The following MAN2A1 variants were observed in gnomAD, a reference collection of about 807,000 sequenced individuals.
MAN2A1 encodes alpha-mannosidase 2.
MAN2A1 carries 76 observed loss-of-function variants against 142.6 expected under a neutral mutation model. The ratio of observed to expected loss-of-function variants is 0.53; its 90% CI spans 0.44 to 0.65. The LOEUF (loss-of-function observed/expected upper bound fraction) is 0.65. Among genes scored for constraint, MAN2A1 ranks in the 30% least tolerant of loss-of-function variants. The probability of loss-of-function intolerance (pLI) is 0.00; values close to 1 mark genes in which losing one functional copy is unlikely to be tolerated. For missense variants in MAN2A1, 1,311 were observed against 1,365.1 expected (o/e 0.96, Z 0.62); for synonymous variants, 559 against 473.2 (o/e 1.18, Z -2.35).
At chr5:109,725,647 G>A (rs1751723968) in intron 3 of MAN2A1, among the ~76,000 whole-genome samples, 1 of 152,262 alleles carries the variant, frequency 6.6e-6, no homozygotes, top group South Asian at 2.1e-4. Flanking sequence ...GGTCCTTCTA[G>A]AGTCCAGGGC....
chr5:109,751,840 C>T (rs926188721), intron 4 of MAN2A1, among the ~76,000 whole-genome samples: 1 of 151,862 alleles, frequency 6.6e-6, no homozygotes, highest in Non-Finnish European at 1.5e-5. Flanking sequence ...TGATCTTTGA[C>T]TCTCCTTTTG....
intron 1 of MAN2A1, 99 bp downstream of exon 1, chr5:109,690,651 A>T (rs1390563639): frequency 1.5e-6 from 2 of 1,364,362 alleles, no homozygotes; most frequent in Non-Finnish European, 2.0e-6. Flanking sequence ...CCGCGGCCCC[A>T]CACCCGTGCT....
chr5:109,849,588 T>C (rs530616950), intron 19 of MAN2A1, among the ~76,000 whole-genome samples: 67 of 152,212 alleles, frequency 4.4e-4, no homozygotes, highest in Non-Finnish European at 5.6e-4. Flanking sequence ...TAATCTTCTT[T>C]ACTTCCACCA....
intron 12 of MAN2A1, chr5:109,804,261 C>T (rs1264964817): frequency 3.0e-6 from 3 of 987,348 alleles, no homozygotes; most frequent in African/African-American, 1.7e-5. Flanking sequence ...GACTTCAGAA[C>T]ACCTCACAAC....
intron 19 of MAN2A1, among the ~76,000 whole-genome samples, chr5:109,852,725 G>A (rs935219576): frequency 6.6e-6 from 1 of 152,172 alleles, no homozygotes; most frequent in Non-Finnish European, 1.5e-5. Flanking sequence ...TAAGTACAAG[G>A]CTGGGGTATT....
chr5:109,726,147 C>G (rs1751738839), intron 3 of MAN2A1, among the ~76,000 whole-genome samples: 1 of 152,126 alleles, frequency 6.6e-6, no homozygotes, highest in Admixed American at 6.5e-5. Flanking sequence ...TGTGAATTGA[C>G]CACTTAAGTA....
At chr5:109,777,074 T>TTGG (rs1753313287) in intron 8 of MAN2A1, among the ~76,000 whole-genome samples, 1 of 152,136 alleles carries the variant, frequency 6.6e-6, no homozygotes, top group Non-Finnish European at 1.5e-5. Flanking sequence ...TGTCCATGTT[T>TTGG]TGGTTACTTG....
chr5:109,733,202 T>C lies in MAN2A1; in HGVS notation c.707+3689T>C, dbSNP rs367868926. On this transcript the variant is annotated intron_variant, in intron 4 of 21. Transcript: ENST00000261483. Reference sequence around the variant, plus strand: ...TGTATAAGAATGCTTGTGATTTTTGTACGTTGATTTTGTATCCTGAGACTT... The same window carrying C: ...TGTATAAGAATGCTTGTGATTTTTGCACGTTGATTTTGTATCCTGAGACTT... 1.4e-4 allele frequency among the ~76,000 whole-genome samples: 22 copies of C among 152,284 alleles called. No individual in the cohort carries two copies. In the East Asian group the frequency reaches 4.1e-3, roughly 28 times the overall value.
chr5:109,769,901 G>T (rs937123502), intron 6 of MAN2A1, among the ~76,000 whole-genome samples: 3 of 152,010 alleles, frequency 2.0e-5, no homozygotes, highest in Admixed American at 6.6e-5. Flanking sequence ...CACTTCCTTT[G>T]TTCTTCCATC....
chr5:109,692,421 G>T (rs1005357696), intron 1 of MAN2A1, among the ~76,000 whole-genome samples: 52 of 152,248 alleles, frequency 3.4e-4, no homozygotes, highest in African/African-American at 1.2e-3. Flanking sequence ...TAAGTGCTTG[G>T]ACGGCCACTG....
At chr5:109,864,369 A>G (rs965138930) in intron 20 of MAN2A1, 3 of 152,214 alleles carry the variant, frequency 2.0e-5, no homozygotes, top group African/African-American at 7.2e-5. Flanking sequence ...GAAAAGGTAT[A>G]CTGACCCTCT....
At position 109,867,288 on chromosome 5, in the gene MAN2A1, C is replaced by G. The variant is rs1459501378; in HGVS notation, c.*290C>G. 1 of 203,280 alleles carries G rather than the reference C, an allele frequency of 4.9e-6. No homozygotes were observed. Among genetic ancestry groups the G allele is most frequent in the South Asian group, 1.7e-4 (1 of 5,758 alleles). The allele number at this position is 203,280 out of a possible 1,614,324, so 12.6% of individuals were successfully genotyped here. A position where few individuals can be genotyped will look rare whatever the true frequency, so the allele number is the denominator to read the frequency against. On this transcript the variant is annotated 3_prime_UTR_variant, in exon 22 of 22. Transcript: ENST00000261483. ...GAAATATTTAAAGACAGCCTCTCAA[C>G]AGATTGTATCTCAGGTTAAATGCTA... is the stretch of plus-strand genomic sequence containing the variant.
At chr5:109,693,651 T>C (rs1017738923) in intron 1 of MAN2A1, among the ~76,000 whole-genome samples, 3 of 152,108 alleles carry the variant, frequency 2.0e-5, no homozygotes, top group Admixed American at 1.3e-4. Context: ...ACCATTTGGC[T>C]GGACTCTGGG....
intron 1 of MAN2A1, among the ~76,000 whole-genome samples, chr5:109,709,425 G>T (rs1201470346): frequency 6.6e-6 from 1 of 152,138 alleles, no homozygotes; most frequent in African/African-American, 2.4e-5. Flanking sequence ...ATTGTTGCTC[G>T]GCAGAGGGTT....
intron 4 of MAN2A1, among the ~76,000 whole-genome samples, chr5:109,734,402 C>G (rs1752021348): frequency 6.6e-6 from 1 of 150,562 alleles, no homozygotes. Context: ...TTATTTCTTG[C>G]CTTCTGCTAG....
intron 16 of MAN2A1, among the ~76,000 whole-genome samples, chr5:109,835,047 ATTG>A (rs776914706): frequency 1.3e-5 from 2 of 152,116 alleles, no homozygotes; most frequent in East Asian, 3.8e-4. Flanking sequence ...TCAGTTTGTC[ATTG>A]TTGTGAGAAT....
rs749676753 is a variant in MAN2A1, at chr5:109,729,527, C to G, written c.707+14C>G. 2.1e-6 allele frequency: 3 copies of G among 1,415,456 alleles called. No homozygotes were observed. The highest frequency in any genetic ancestry group is 1.9e-6 in the Non-Finnish European group (2 of 1,067,688). The allele number at this position is 1,415,456 out of a possible 1,614,324, so 87.7% of individuals were successfully genotyped here. A position where few individuals can be genotyped will look rare whatever the true frequency, so the allele number is the denominator to read the frequency against. On this transcript the variant is annotated intron_variant, in intron 4 of 21. Transcript: ENST00000261483. ...TGCTGTTAAAAGGTTTGTTTTAAAA[C>G]TTTTTTGGAATTTGGTAATATTAAA...
intron 4 of MAN2A1, among the ~76,000 whole-genome samples, chr5:109,732,135 T>G (rs1357171814): frequency 2.0e-5 from 3 of 151,356 alleles, no homozygotes; most frequent in Non-Finnish European, 4.4e-5. Flanking sequence ...TTTTTTCATG[T>G]GTTTTTTGGC....
At chr5:109,865,600 G>A (rs1755859555) in intron 21 of MAN2A1, among the ~76,000 whole-genome samples, 1 of 152,192 alleles carries the variant, frequency 6.6e-6, no homozygotes, top group Non-Finnish European at 1.5e-5. Context: ...AGGCTAGTGG[G>A]ATAATCCACC....
Sources: gnomAD v4.1 joint callset for allele counts (sites outside exome capture counted in the v4.1 genomes callset) on GRCh38, gnomAD v4.1.1 for gene constraint, MANE v1.5 for transcripts, NCBI Gene and HGNC (gene_info 2026-07-23, HGNC 2026-07-21) for gene names.